The following MYO1E variants were observed in gnomAD, a reference collection of about 807,000 sequenced individuals.
MYO1E encodes unconventional myosin-Ie.
Under a neutral mutation model 151.1 loss-of-function variants are expected in MYO1E, and 68 were observed. The ratio of observed to expected loss-of-function variants is 0.45; its 90% CI spans 0.37 to 0.55. MYO1E has a LOEUF of 0.55. Ranked by LOEUF, MYO1E falls within the 20% of genes least tolerant of loss-of-function variation. MYO1E has a pLI of 0.00. For synonymous variants in MYO1E, 601 were observed against 501.7 expected, an observed-to-expected ratio of 1.20 and a Z score of -2.64; for missense variants, 1,363 against 1,389.3, an observed-to-expected ratio of 0.98 and a Z score of 0.30.
At chr15:59,184,763 T>G (rs760031235) in intron 18 of MYO1E, among the ~76,000 whole-genome samples, 1 of 152,218 alleles carries the variant, frequency 6.6e-6, no homozygotes. Flanking sequence ...CGTGAACATA[T>G]CTCTTTGATA....
At chr15:59,261,794 A>T (rs1452575714) in intron 2 of MYO1E, among the ~76,000 whole-genome samples, 1 of 152,250 alleles carries the variant, frequency 6.6e-6, no homozygotes, top group Non-Finnish European at 1.5e-5. Context: ...TACAGCAAGG[A>T]GAAAAGAAAA....
At chr15:59,321,814 C>T (rs1400767014) in intron 1 of MYO1E, among the ~76,000 whole-genome samples, 1 of 151,678 alleles carries the variant, frequency 6.6e-6, no homozygotes, top group Admixed American at 6.6e-5. Context: ...GAGGTTGAGC[C>T]GAGATCACAC....
At chr15:59,243,991 C>T (rs879068011) in intron 4 of MYO1E, among the ~76,000 whole-genome samples, 1 of 151,776 alleles carries the variant, frequency 6.6e-6, no homozygotes. Flanking sequence ...GGTCCTCCAT[C>T]GGACTTTAGA....
At chr15:59,144,687 A>G (rs1044397559) in intron 26 of MYO1E, among the ~76,000 whole-genome samples, 15 of 152,158 alleles carry the variant, frequency 9.9e-5, no homozygotes, top group African/African-American at 3.6e-4. Context: ...AGCCGTCACA[A>G]TCTCTACGAT....
chr15:59,364,962 C>T (rs1053868697), intron 1 of MYO1E, among the ~76,000 whole-genome samples: 1 of 151,948 alleles, frequency 6.6e-6, no homozygotes, highest in Admixed American at 6.6e-5. Context: ...GAAAGGAAAC[C>T]CAGAGACAAA....
At chr15:59,162,267 T>A (rs1463980229) in intron 23 of MYO1E, among the ~76,000 whole-genome samples, 2 of 152,110 alleles carry the variant, frequency 1.3e-5, no homozygotes, top group Admixed American at 6.5e-5. Flanking sequence ...ACTAGCTAAA[T>A]AACTCTTACT....
chr15:59,305,703 G>C (rs549771564), intron 1 of MYO1E, among the ~76,000 whole-genome samples: 1 of 152,296 alleles, frequency 6.6e-6, no homozygotes, highest in South Asian at 2.1e-4. Context: ...GCAATTGTGA[G>C]CTGTGCTTCC....
intron 1 of MYO1E, among the ~76,000 whole-genome samples, chr15:59,290,625 T>G (rs575843478): frequency 6.6e-6 from 1 of 152,348 alleles, no homozygotes; most frequent in African/African-American, 2.4e-5. Context: ...GTGACTTTCT[T>G]TTGTGACAAC....
At chr15:59,257,783 T>G (rs1445403714) in intron 3 of MYO1E, among the ~76,000 whole-genome samples, 1 of 152,142 alleles carries the variant, frequency 6.6e-6, no homozygotes, top group Non-Finnish European at 1.5e-5. Context: ...AAGAACCCTA[T>G]GCAGGAACCA....
intron 6 of MYO1E, among the ~76,000 whole-genome samples, chr15:59,230,220 GTGTT>G (rs780645930): frequency 0.03 from 3,610 of 118,868 alleles, 99 homozygotes; most frequent in African/African-American, 0.092. Context: ...GAGACAGTGT[GTGTT>G]TGTGTGTGTG....
chr15:59,272,156 G>T, intron 2 of MYO1E, 150 bp downstream of exon 2: 1 of 805,790 alleles, frequency 1.2e-6, no homozygotes, highest in Non-Finnish European at 2.1e-6. Flanking sequence ...GGGTCTCCCT[G>T]TGTTGCCAGG....
chr15:59,220,541 CA>C (rs1303064809), intron 9 of MYO1E, among the ~76,000 whole-genome samples: 1 of 152,110 alleles, frequency 6.6e-6, no homozygotes, highest in Non-Finnish European at 1.5e-5. Flanking sequence ...AAAATCTTAC[CA>C]TTTTTTTCCA....
intron 11 of MYO1E, 111 bp downstream of exon 11, chr15:59,214,529 G>A: frequency 2.7e-6 from 3 of 1,128,436 alleles, no homozygotes; most frequent in Non-Finnish European, 4.0e-6. Flanking sequence ...TTTTTTTGTT[G>A]TTGTGGTTTG....
rs1343866935 is a variant in MYO1E, at chr15:59,136,353, AAAG to A, written c.*1024_*1026del. 1.0e-4 allele frequency: 17 copies of A among 166,426 alleles called. No homozygotes were observed. Among genetic ancestry groups the A allele is most frequent in the Middle Eastern group, 2.9e-3 (1 of 346 alleles). 10.3% of individuals were successfully genotyped at this position (166,426 alleles called of 1,614,324 possible). ...AATTCAACCCATAACAAATGTCATA[AAAG>A]AAGAAGGTGTTCGCCGATTCCTTTA... On this transcript the variant is annotated 3_prime_UTR_variant, in exon 28 of 28. Coordinates refer to ENST00000288235, the MANE Select transcript of MYO1E (RefSeq NM_004998.4).
intron 1 of MYO1E, among the ~76,000 whole-genome samples, chr15:59,295,320 C>T (rs1021484109): frequency 3.3e-5 from 5 of 151,960 alleles, no homozygotes; most frequent in South Asian, 2.1e-4. Context: ...AACAACATCG[C>T]TTGTGTTTGC....
chr15:59,149,215 C>T (rs2079461925), intron 26 of MYO1E, among the ~76,000 whole-genome samples: 1 of 151,978 alleles, frequency 6.6e-6, no homozygotes, highest in Non-Finnish European at 1.5e-5. Flanking sequence ...CACCACCATA[C>T]CCAGCTAATT....
At chr15:59,288,349 T>C (rs183967880) in intron 1 of MYO1E, among the ~76,000 whole-genome samples, 117 of 152,108 alleles carry the variant, frequency 7.7e-4, no homozygotes, top group Non-Finnish European at 7.9e-4. Context: ...CTAATTTCTT[T>C]AGTTTTTGTA....
At chr15:59,358,682 A>G (rs1021119969) in intron 1 of MYO1E, among the ~76,000 whole-genome samples, 6 of 152,332 alleles carry the variant, frequency 3.9e-5, no homozygotes, top group South Asian at 2.1e-4. Context: ...TGGGTTTTCA[A>G]TTATTTATAT....
chr15:59,214,380 G>A (rs2079900721), intron 11 of MYO1E, 66 bp from the exon 12 acceptor site: 3 of 1,234,366 alleles, frequency 2.4e-6, no homozygotes, highest in South Asian at 2.5e-5. Context: ...TTTCTGGAGT[G>A]ATTTATTGAA....
Sources: allele counts gnomAD v4.1 joint callset (sites outside exome capture counted in the v4.1 genomes callset), GRCh38; gene constraint gnomAD v4.1.1; transcripts MANE v1.5; gene names NCBI Gene and HGNC (gene_info 2026-07-23, HGNC 2026-07-21).